The following RNF10 variants were observed in gnomAD, a reference collection of about 807,000 sequenced individuals.
The protein encoded by RNF10 is ring finger protein 10.
A neutral mutation model predicts 91.4 loss-of-function variants in RNF10; 38 were observed. The ratio of observed to expected loss-of-function variants is 0.42; its 90% CI spans 0.32 to 0.54. The LOEUF (loss-of-function observed/expected upper bound fraction) is 0.54, where lower values mean the gene tolerates loss of function less well. RNF10 is among the 20% of genes least tolerant of loss of function. RNF10 has a pLI of 0.16. For synonymous variants in RNF10, 364 were observed against 366.3 expected (o/e 0.99, Z 0.07); for missense variants, 945 against 1,012.0 (o/e 0.93, Z 0.90).
chr12:120,563,266 G>A lies in RNF10; in HGVS notation c.1255-81G>A, dbSNP rs1036554541. ...GCTAAGATAAACATCTAGGGAGCTTGGCTCTTAGGTCTGCATTTGCCACAT... is the reference window on the plus strand; with the variant it reads ...GCTAAGATAAACATCTAGGGAGCTTAGCTCTTAGGTCTGCATTTGCCACAT... On this transcript the variant is annotated intron_variant, in intron 8 of 16. Transcript: ENST00000325954. 7 of 1,519,940 alleles carry A rather than the reference G, an allele frequency of 4.6e-6. No homozygotes were observed. The Admixed American group carries it at 7.5e-5, about 16-fold the overall frequency. 94.2% of individuals were successfully genotyped at this position (1,519,940 alleles called of 1,614,324 possible).
chr12:120,546,135 G>GT (rs1872297062), intron 1 of RNF10, among the ~76,000 whole-genome samples: 1 of 152,210 alleles, frequency 6.6e-6, no homozygotes, highest in Admixed American at 6.5e-5. Flanking sequence ...GCTGTGTAAA[G>GT]TAAAGACATT....
chr12:120,571,606 T>G (rs1876634281), intron 14 of RNF10, among the ~76,000 whole-genome samples: 1 of 152,182 alleles, frequency 6.6e-6, no homozygotes, highest in South Asian at 2.1e-4. Flanking sequence ...CCTCAGATGT[T>G]ACTGTAGACG....
chr12:120,534,825 C>A lies in RNF10; in HGVS notation c.14C>A (p.Ser5Tyr). 2 of 1,590,008 alleles carry A rather than the reference C, an allele frequency of 1.3e-6. No homozygotes were observed. The highest frequency in any genetic ancestry group is 1.7e-6 in the Non-Finnish European group (2 of 1,173,706). Residue 5 changes from serine to tyrosine, a missense_variant, in exon 1 of 17, where the codon TCC becomes TAC. Physicochemically the swap from Ser to Tyr is moderately radical, Grantham distance 144. Transcript: ENST00000325954. ...AGGCCCCCGTTGATGCCGCTGAGCT[C>A]CCCCAACGCCGCCGCCACCGCCTCC... MPLS[S>Y]PNAAATASDM...
Position 120,565,546 on chromosome 12 carries a change from T to G in RNF10, c.1885+17T>G. ...AGGGCAAGTGTAAGTTCAGGAACTT[T>G]CATCTTTGACTAGCACTGCTGTACG... On this transcript the variant is annotated intron_variant, in intron 12 of 16. Coordinates refer to ENST00000325954, the MANE Select transcript of RNF10 (RefSeq NM_014868.5). 1 of 1,606,844 alleles carries G rather than the reference T, an allele frequency of 6.2e-7. No homozygotes were observed. The highest frequency in any genetic ancestry group is 2.2e-5 in the East Asian group (1 of 44,844).
Position 120,566,806 on chromosome 12 carries a change from G to GGTTATCTT in RNF10, c.1886-18_1886-11dup. 6.2e-7 allele frequency: 1 copy of GGTTATCTT among 1,604,376 alleles called. No individual in the cohort carries two copies. The stretch of plus-strand genomic sequence containing the variant: ...TGAATTCTGTAAATGGGTTTACAAG[G>GGTTATCTT]GTTATCTTTCCTTTGCAGACCCAGA... On this transcript the variant is annotated intron_variant, in intron 12 of 16. Coordinates refer to ENST00000325954, the MANE Select transcript of RNF10 (RefSeq NM_014868.5).
intron 1 of RNF10, among the ~76,000 whole-genome samples, chr12:120,542,794 C>T (rs2137139021): frequency 6.6e-6 from 1 of 152,298 alleles, no homozygotes; most frequent in East Asian, 1.9e-4. Flanking sequence ...CTCATGTGAT[C>T]TGCCTGCCTT....
In RNF10 at chr12:120,557,305, A is replaced by T. The variant is rs1045449324; in HGVS notation, c.669A>T (p.Pro223=). 13 of 1,614,024 alleles carry T rather than the reference A, an allele frequency of 8.1e-6. No individual in the cohort carries two copies. The Middle Eastern group carries it at 1.5e-3, about 184-fold the overall frequency. The change falls in exon 5 of 17, where the codon CCA becomes CCT. Residue 223 remains proline (P), a synonymous_variant. Transcript: ENST00000325954. The part of the protein sequence containing the change: ...EQVRICSHEV[P]SCPICLYPPT... ...AGCGCATTTGTAGCCATGAAGTGCC[A>T]TCTTGCCCAATATGCCTCTATCCAC...
chr12:120,562,880 G>A, intron 7 of RNF10, 65 bp from the exon 8 acceptor site: 1 of 1,605,234 alleles, frequency 6.2e-7, no homozygotes, highest in East Asian at 2.2e-5. Context: ...CTAAGCCCTT[G>A]CCCTTCAAGC....
intron 13 of RNF10, 146 bp from the exon 14 acceptor site, chr12:120,571,045 T>G: frequency 1.6e-6 from 1 of 608,626 alleles, no homozygotes; most frequent in East Asian, 2.8e-5. Context: ...CATGGAAGAG[T>G]TGAAAGTTGG....
rs1870486094 is a variant in RNF10, at chr12:120,534,816, C to T, written c.5C>T (p.Pro2Leu). Residue 2 changes from proline (P) to leucine (L), a missense_variant, in exon 1 of 17, where the codon CCG becomes CTG. Physicochemically the swap from Pro to Leu is moderately conservative, Grantham distance 98 (BLOSUM62 -3). Transcript: ENST00000325954. Reference protein sequence around the residue: MPLSSPNAAATA... With the variant: MLLSSPNAAATA... ...TCGCCGCCGAGGCCCCCGTTGATGC[C>T]GCTGAGCTCCCCCAACGCCGCCGCC... 1 of 1,580,468 alleles carries T rather than the reference C, an allele frequency of 6.3e-7. No individual in the cohort carries two copies.
intron 10 of RNF10, among the ~76,000 whole-genome samples, chr12:120,564,479 G>A (rs980769746): frequency 3.9e-5 from 6 of 152,138 alleles, no homozygotes; most frequent in Non-Finnish European, 7.3e-5. Flanking sequence ...AAAAAAATTA[G>A]CTGGGTATGA....
At chr12:120,567,250 G>A (rs552233989) in intron 13 of RNF10, among the ~76,000 whole-genome samples, 6 of 149,844 alleles carry the variant, frequency 4.0e-5, no homozygotes, top group African/African-American at 9.8e-5. Flanking sequence ...ACCTATTTTT[G>A]TTTCTAGTTT....
intron 1 of RNF10, among the ~76,000 whole-genome samples, chr12:120,539,843 T>TC (rs1191525627): frequency 3.9e-5 from 6 of 151,986 alleles, no homozygotes; most frequent in Non-Finnish European, 8.8e-5. Context: ...TCAGGAACTT[T>TC]TTTTTTTCCC....
intron 2 of RNF10, among the ~76,000 whole-genome samples, chr12:120,549,645 C>T (rs530685538): frequency 7.2e-5 from 11 of 152,040 alleles, no homozygotes; most frequent in African/African-American, 2.7e-4. Flanking sequence ...ATTAACCGGG[C>T]GTGATGGCAG....
chr12:120,564,400 G>A (rs754054379), intron 10 of RNF10, among the ~76,000 whole-genome samples: 6 of 152,106 alleles, frequency 3.9e-5, no homozygotes, highest in Non-Finnish European at 8.8e-5. Context: ...CTTTTGGGAG[G>A]CCTACTCAGG....
At chr12:120,569,627 G>A (rs938437445) in intron 13 of RNF10, among the ~76,000 whole-genome samples, 13 of 143,328 alleles carry the variant, frequency 9.1e-5, no homozygotes, top group African/African-American at 2.8e-4. Context: ...CAACCTCTGC[G>A]TCCCAGGTTG....
intron 14 of RNF10, among the ~76,000 whole-genome samples, chr12:120,571,833 T>G (rs1876675711): frequency 6.6e-6 from 1 of 152,120 alleles, no homozygotes. Flanking sequence ...AAGATTGTCT[T>G]GGTTATACTG....
At chr12:120,571,036 A>G (rs1690407579) in intron 13 of RNF10, among the ~76,000 whole-genome samples, 155 bp from the exon 14 acceptor site, 1 of 151,172 alleles carries the variant, frequency 6.6e-6, no homozygotes, top group African/African-American at 2.4e-5. Context: ...TTTTAAGAAC[A>G]TGGAAGAGTT....
chr12:120,540,640 C>G (rs1276259764), intron 1 of RNF10, among the ~76,000 whole-genome samples: 1 of 152,186 alleles, frequency 6.6e-6, no homozygotes. Flanking sequence ...TATCTGTCTT[C>G]ATACCCTTAG....
Sources: gnomAD v4.1 joint callset for allele counts (sites outside exome capture counted in the v4.1 genomes callset) on GRCh38, gnomAD v4.1.1 for gene constraint, MANE v1.5 for transcripts, NCBI Gene and HGNC (gene_info 2026-07-23, HGNC 2026-07-21) for gene names.